The following WIPF2 variants were observed in gnomAD, a reference collection of about 807,000 sequenced individuals.
WIPF2 encodes the protein WAS/WASL-interacting protein family member 2.
In WIPF2, 23 loss-of-function variants were observed where a neutral mutation model predicts 38.8. The observed-to-expected ratio is 0.59, with a 90% CI of 0.43 to 0.84. The LOEUF (loss-of-function observed/expected upper bound fraction) is 0.84, where lower values mean the gene tolerates loss of function less well. Ranked by LOEUF, WIPF2 falls within the 40% of genes least tolerant of loss-of-function variation. The pLI is 0.00. For missense variants in WIPF2, 574 were observed against 580.5 expected (o/e 0.99, Z 0.11); for synonymous variants, 210 against 223.2 (o/e 0.94, Z 0.53).
Position 40,264,966 on chromosome 17 carries a change from G to A in WIPF2, c.790G>A (p.Gly264Arg). The A allele has an allele frequency of 6.2e-7, 1 of 1,614,052 alleles. No homozygotes were observed. The highest frequency in any genetic ancestry group is 2.2e-5 in the East Asian group (1 of 44,876). The change falls in exon 5 of 8, where the codon GGA becomes AGA. Residue 264 changes from glycine (G) to arginine (R), a missense_variant. Gly to Arg is a moderately radical substitution (Grantham distance 125, BLOSUM62 -2). Coordinates refer to ENST00000323571, the MANE Select transcript of WIPF2 (RefSeq NM_133264.5). Reference protein sequence around the residue: ...PYRQPPGVPNGPSSPTNESAP... With the variant: ...PYRQPPGVPNRPSSPTNESAP... ...CCGCCAGCCTCCTGGGGTCCCCAAT[G>A]GACCCTCTAGCCCCACTAATGAGTC...
At chr17:40,277,409 C>A (rs554367785) in intron 7 of WIPF2, among the ~76,000 whole-genome samples, 16 of 152,110 alleles carry the variant, frequency 1.1e-4, no homozygotes, top group Admixed American at 2.0e-4. Flanking sequence ...AGGCTGGGCG[C>A]GGTGGCTTAT....
intron 5 of WIPF2, among the ~76,000 whole-genome samples, chr17:40,271,386 A>G (rs1037854175): frequency 9.9e-5 from 15 of 152,176 alleles, no homozygotes; most frequent in Non-Finnish European, 2.2e-4. Context: ...GCACATGCCT[A>G]TAATCCCAGC....
intron 1 of WIPF2, among the ~76,000 whole-genome samples, chr17:40,242,524 C>T (rs1446111884): frequency 1.3e-5 from 2 of 152,022 alleles, no homozygotes; most frequent in Non-Finnish European, 2.9e-5. Flanking sequence ...CTCAGCCTCC[C>T]GAGTAGCTGG....
chr17:40,240,205 G>A (rs926463791), intron 1 of WIPF2, among the ~76,000 whole-genome samples: 1 of 152,078 alleles, frequency 6.6e-6, no homozygotes, highest in Admixed American at 6.6e-5. Context: ...GGCAACTACA[G>A]GCATGAGCCA....
chr17:40,261,151 A>G (rs185946743), intron 3 of WIPF2, among the ~76,000 whole-genome samples: 166 of 152,200 alleles, frequency 1.1e-3, no homozygotes, highest in African/African-American at 3.9e-3. Context: ...TCTTGACTGA[A>G]ACCAAGGTTG....
chr17:40,262,421 G>T (rs1215146930), intron 3 of WIPF2, 104 bp from the exon 4 acceptor site: 2 of 870,074 alleles, frequency 2.3e-6, no homozygotes, highest in Non-Finnish European at 3.7e-6. Flanking sequence ...AGACTGGTTT[G>T]TTTGCAAGCG....
Position 40,265,137 on chromosome 17 carries a change from C to T in WIPF2, c.961C>T (p.Arg321Trp), listed in dbSNP as rs2032047198. The change falls in exon 5 of 8, where the codon CGG becomes TGG. Residue 321 changes from arginine to tryptophan, a missense_variant. Transcript: ENST00000323571. ...PPPPARDPPSRGAAPPPPPPV... is the reference protein window; with the variant it reads ...PPPPARDPPSWGAAPPPPPPV... ...TCCCCCAGCCCGAGACCCTCCCAGT[C>T]GGGGAGCAGGTAAGTGCTTGGAAGC... The T allele has an allele frequency of 1.2e-6, 2 of 1,605,786 alleles. No homozygotes were observed. Among genetic ancestry groups the T allele is most frequent in the East Asian group, 2.2e-5 (1 of 44,774 alleles).
chr17:40,242,063 T>C (rs1437666021), intron 1 of WIPF2, among the ~76,000 whole-genome samples: 1 of 152,212 alleles, frequency 6.6e-6, no homozygotes, highest in Non-Finnish European at 1.5e-5. Context: ...AGAGTTGATT[T>C]GCATTCTAAG....
At chr17:40,234,712 C>T (rs970395729) in intron 1 of WIPF2, among the ~76,000 whole-genome samples, 11 of 152,246 alleles carry the variant, frequency 7.2e-5, no homozygotes, top group Middle Eastern at 3.4e-3. Flanking sequence ...GAGCATAGAT[C>T]AGGGAAACCT....
chr17:40,253,156 A>G (rs1285638744), intron 1 of WIPF2, among the ~76,000 whole-genome samples: 3 of 149,798 alleles, frequency 2.0e-5, no homozygotes, highest in East Asian at 2.0e-4. Flanking sequence ...TCCGTCTCCC[A>G]GGTTCACGCC....
intron 1 of WIPF2, among the ~76,000 whole-genome samples, chr17:40,234,422 A>G (rs1264827827): frequency 6.6e-6 from 1 of 151,616 alleles, no homozygotes; most frequent in East Asian, 1.9e-4. Context: ...ACAGAGTGAG[A>G]CTCTGTCTCA....
At chr17:40,247,074 A>C (rs563549996) in intron 1 of WIPF2, among the ~76,000 whole-genome samples, 1 of 150,480 alleles carries the variant, frequency 6.6e-6, no homozygotes, top group African/African-American at 2.4e-5. Context: ...AGATCGTGCC[A>C]TTGCACTCCA....
intron 1 of WIPF2, among the ~76,000 whole-genome samples, chr17:40,230,215 C>T (rs774680306): frequency 3.3e-5 from 5 of 151,966 alleles, no homozygotes; most frequent in Admixed American, 6.6e-5. Flanking sequence ...GATGAGCACC[C>T]GTGGTTCTAG....
chr17:40,269,868 G>A (rs1312105056), intron 5 of WIPF2, among the ~76,000 whole-genome samples: 1 of 150,946 alleles, frequency 6.6e-6, no homozygotes, highest in East Asian at 2.1e-4. Flanking sequence ...GCCTCCCAAA[G>A]TGCTGGGATT....
Position 40,266,237 on chromosome 17 carries a change from CAAAAAA to C in WIPF2, c.970+1106_970+1111del, listed in dbSNP as rs973061072. Among the ~76,000 whole-genome samples the C allele has an allele frequency of 4.6e-4, 29 of 62,372 alleles. 1 individual carries two copies. The East Asian group carries it at 0.011, about 23-fold the overall frequency. The allele number at this position is 62,372 out of a possible 152,430, so 40.9% of individuals were successfully genotyped here. A position where few individuals can be genotyped will look rare whatever the true frequency, so the allele number is the denominator to read the frequency against. The stretch of plus-strand genomic sequence containing the variant: ...TGGGCGACAGAGTGACAGTCCATCT[CAAAAAA>C]AAAAAAAAAAAAAATGAGGGCTGAG... On this transcript the variant is annotated intron_variant, in intron 5 of 7. Coordinates refer to ENST00000323571, the MANE Select transcript of WIPF2 (RefSeq NM_133264.5).
chr17:40,220,423 T>TC (rs2145256581), intron 1 of WIPF2: 1 of 150,714 alleles, frequency 6.6e-6, no homozygotes, highest in Non-Finnish European at 1.5e-5. Context: ...AGAGACGTGG[T>TC]CTCACTCTGT....
At chr17:40,236,436 C>T (rs1286353485) in intron 1 of WIPF2, among the ~76,000 whole-genome samples, 7 of 148,500 alleles carry the variant, frequency 4.7e-5, no homozygotes. Flanking sequence ...CCTCCCGGTT[C>T]GAGCGATTCT....
At chr17:40,224,862 A>T (rs1453975294) in intron 1 of WIPF2, among the ~76,000 whole-genome samples, 1 of 152,010 alleles carries the variant, frequency 6.6e-6, no homozygotes, top group Non-Finnish European at 1.5e-5. Context: ...GGCAACATGC[A>T]TCCCTTTGCC....
At position 40,280,626 on chromosome 17, in the gene WIPF2, C is replaced by T. The variant is rs1276453548; in HGVS notation, c.*2401C>T. 1.3e-5 allele frequency: 2 copies of T among 152,338 alleles called. No homozygotes were observed. Among genetic ancestry groups the T allele is most frequent in the Non-Finnish European group, 2.9e-5 (2 of 67,986 alleles). 9.4% of individuals were successfully genotyped at this position (152,338 alleles called of 1,614,324 possible). On this transcript the variant is annotated 3_prime_UTR_variant, in exon 8 of 8. Transcript: ENST00000323571. ...TCCCATTTATTTTTGAAATGGGAGTCGATGCCTTTTGTACGTTATCAAAGT... is the reference window on the plus strand; with the variant it reads ...TCCCATTTATTTTTGAAATGGGAGTTGATGCCTTTTGTACGTTATCAAAGT...
Sources: gnomAD v4.1 joint callset for allele counts (sites outside exome capture counted in the v4.1 genomes callset) on GRCh38, gnomAD v4.1.1 for gene constraint, MANE v1.5 for transcripts, NCBI Gene and HGNC (gene_info 2026-07-23, HGNC 2026-07-21) for gene names.